COL26A1: variants seen among roughly 807,000 people sequenced by gnomAD.
COL26A1 encodes collagen type XXVI alpha 1 chain.
In COL26A1, 41 loss-of-function variants were observed where a neutral mutation model predicts 59.3. That is an observed-to-expected ratio of 0.69 (90% CI 0.54 to 0.90). The LOEUF is 0.90. COL26A1 is among the 40% of genes least tolerant of loss of function. The pLI is 0.00. For synonymous variants in COL26A1, 266 were observed against 256.0 expected (o/e 1.04, Z -0.37); for missense variants, 612 against 602.3 (o/e 1.02, Z -0.17).
intron 3 of COL26A1, among the ~76,000 whole-genome samples, chr7:101,472,932 A>G (rs1562998406): frequency 2.6e-5 from 4 of 152,110 alleles, no homozygotes; most frequent in African/African-American, 9.7e-5. Flanking sequence ...AGAATCCCTG[A>G]GCCTTGCTGT....
Position 101,387,767 on chromosome 7 carries a change from TATA to T in COL26A1, c.158+24578_158+24580del, listed in dbSNP as rs1456190137. On this transcript the variant is annotated intron_variant, in intron 1 of 12. Coordinates refer to ENST00000313669, the MANE Select transcript of COL26A1 (RefSeq NM_001278563.3). ...ATATATATATATTTATATATATATA[TATA>T]TATATATATTTTTTTTTAAGACAGA... Among the ~76,000 whole-genome samples, 257 of 48,158 alleles carry T rather than the reference TATA, an allele frequency of 5.3e-3. 1 individual carries two copies. Among genetic ancestry groups the T allele is most frequent in the African/African-American group, 0.013 (242 of 18,032 alleles). 31.6% of individuals were successfully genotyped at this position (48,158 alleles called of 152,430 possible).
chr7:101,486,171 TAA>T (rs74805128), intron 3 of COL26A1, among the ~76,000 whole-genome samples: 26 of 138,174 alleles, frequency 1.9e-4, no homozygotes, highest in Middle Eastern at 3.6e-3. Context: ...AGACTGTCTC[TAA>T]AAAAAAAAAA....
chr7:101,547,739 T>A (rs968663571), intron 8 of COL26A1, among the ~76,000 whole-genome samples: 1 of 152,274 alleles, frequency 6.6e-6, no homozygotes, highest in African/African-American at 2.4e-5. Flanking sequence ...ATTCACTGAT[T>A]CATTCATTCT....
intron 3 of COL26A1, among the ~76,000 whole-genome samples, chr7:101,487,424 C>T (rs1284895063): frequency 6.6e-6 from 1 of 152,156 alleles, no homozygotes; most frequent in Non-Finnish European, 1.5e-5. Context: ...GCCAGCATGC[C>T]TCCTCTGCCT....
intron 1 of COL26A1, among the ~76,000 whole-genome samples, chr7:101,382,684 T>A (rs1791475545): frequency 6.6e-6 from 1 of 152,170 alleles, no homozygotes; most frequent in Non-Finnish European, 1.5e-5. Flanking sequence ...TAAAATCATC[T>A]TTTCTAGGTT....
At chr7:101,533,208 C>A in intron 4 of COL26A1, 65 bp downstream of exon 4, 1 of 1,219,242 alleles carries the variant, frequency 8.2e-7, no homozygotes, top group Non-Finnish European at 1.2e-6. Flanking sequence ...TGGAGGGAGG[C>A]ATCAGGCAAC....
intron 1 of COL26A1, among the ~76,000 whole-genome samples, chr7:101,413,120 C>T (rs1792282227): frequency 6.6e-6 from 1 of 152,156 alleles, no homozygotes; most frequent in African/African-American, 2.4e-5. Context: ...GAGCCAAACG[C>T]CTGGTGGGGT....
intron 3 of COL26A1, among the ~76,000 whole-genome samples, chr7:101,471,415 G>A (rs541978194): frequency 5.9e-5 from 9 of 152,220 alleles, no homozygotes; most frequent in African/African-American, 1.7e-4. Context: ...GTGAGTTGCC[G>A]AGTATAGTGA....
At position 101,386,826 on chromosome 7, in the gene COL26A1, G is replaced by A. The variant is rs537778842; in HGVS notation, c.158+23636G>A. On this transcript the variant is annotated intron_variant, in intron 1 of 12. Transcript: ENST00000313669. ...AGGGTCCAGGCTGTTGCCTGAGTAA[G>A]GAGTTTGGCAGGAAAGCTCAATATT... 3.3e-5 allele frequency among the ~76,000 whole-genome samples: 5 copies of A among 152,320 alleles called. 1 individual carries two copies. In the East Asian group the frequency reaches 9.7e-4, roughly 29 times the overall value.
intron 1 of COL26A1, among the ~76,000 whole-genome samples, chr7:101,400,052 C>G (rs1028965074): frequency 6.6e-6 from 1 of 152,002 alleles, no homozygotes; most frequent in Non-Finnish European, 1.5e-5. Flanking sequence ...GTTGGAGGAA[C>G]CAAAGGGCGG....
At chr7:101,444,616 T>C (rs1395949144) in intron 2 of COL26A1, among the ~76,000 whole-genome samples, 5 of 152,010 alleles carry the variant, frequency 3.3e-5, no homozygotes, top group Non-Finnish European at 7.4e-5. Flanking sequence ...GGTTTCTCCA[T>C]GTTGGGCAGG....
chr7:101,433,362 C>T (rs1422527070), intron 2 of COL26A1, among the ~76,000 whole-genome samples: 2 of 151,942 alleles, frequency 1.3e-5, no homozygotes, highest in Non-Finnish European at 2.9e-5. Flanking sequence ...CTGGAGGTGA[C>T]CATGGAGATG....
chr7:101,512,896 A>G lies in COL26A1; in HGVS notation c.386-20186A>G, dbSNP rs968493970. On this transcript the variant is annotated intron_variant, in intron 3 of 12. Transcript: ENST00000313669. ...GCATGATGAAAACTCTTGCTAAACT[A>G]GGAAAAGAAAGAAGCTTCTTGGCAC... Among the ~76,000 whole-genome samples the G allele has an allele frequency of 2.0e-5, 3 of 152,316 alleles. No individual in the cohort carries two copies. The South Asian group carries it at 6.2e-4, about 32-fold the overall frequency.
At chr7:101,417,019 G>A (rs1272792126) in intron 1 of COL26A1, among the ~76,000 whole-genome samples, 1 of 152,060 alleles carries the variant, frequency 6.6e-6, no homozygotes, top group African/African-American at 2.4e-5. Flanking sequence ...TGGGATTACG[G>A]GTGTGAGCCA....
intron 3 of COL26A1, among the ~76,000 whole-genome samples, chr7:101,489,666 T>TTTCTGTCTTTCTTTCTG (rs1794355344): frequency 1.8e-5 from 1 of 54,916 alleles, no homozygotes; most frequent in African/African-American, 1.7e-4. Flanking sequence ...TCTTTCTTCC[T>TTTCTGTCTTTCTTTCTG]TCCTTCCTTC....
chr7:101,525,633 A>G (rs1387968257), intron 3 of COL26A1, among the ~76,000 whole-genome samples: 1 of 150,618 alleles, frequency 6.6e-6, no homozygotes, highest in Non-Finnish European at 1.5e-5. Flanking sequence ...AGTAGCTGGG[A>G]CTACAGGTGC....
At chr7:101,374,684 T>C (rs895363411) in intron 1 of COL26A1, among the ~76,000 whole-genome samples, 1 of 152,168 alleles carries the variant, frequency 6.6e-6, no homozygotes. Context: ...GAAAACAAGC[T>C]CAGGGCTCCC....
intron 2 of COL26A1, among the ~76,000 whole-genome samples, chr7:101,443,093 G>T (rs1481969900): frequency 2.2e-5 from 3 of 134,008 alleles, no homozygotes; most frequent in African/African-American, 8.8e-5. Context: ...TGTGAAAATC[G>T]TGTATTTGTA....
chr7:101,493,236 T>G (rs1038393063), intron 3 of COL26A1, among the ~76,000 whole-genome samples: 1 of 36,234 alleles, frequency 2.8e-5, no homozygotes, highest in Admixed American at 3.5e-4. Flanking sequence ...CCCCCTGCCC[T>G]TGCCTCCCTC....
Sources: gnomAD v4.1 joint callset for allele counts (sites outside exome capture counted in the v4.1 genomes callset) on GRCh38, gnomAD v4.1.1 for gene constraint, MANE v1.5 for transcripts, NCBI Gene and HGNC (gene_info 2026-07-23, HGNC 2026-07-21) for gene names.